Variants in RPS6KC1 observed in about 807,000 individuals in gnomAD.
RPS6KC1 encodes inactive ribosomal protein S6 kinase delta-1.
RPS6KC1 carries 54 observed loss-of-function variants against 103.8 expected under a neutral mutation model. The ratio of observed to expected loss-of-function variants is 0.52; its 90% CI spans 0.42 to 0.65. The LOEUF (loss-of-function observed/expected upper bound fraction) is 0.65, where lower values mean the gene tolerates loss of function less well. Among genes scored for constraint, RPS6KC1 ranks in the 30% least tolerant of loss-of-function variants. The pLI is 0.00. For synonymous variants in RPS6KC1, 439 were observed against 438.7 expected (o/e 1.00, Z -0.01); for missense variants, 1,151 against 1,253.8 (o/e 0.92, Z 1.24).
the RPS6KC1 span, among the ~76,000 whole-genome samples, chr1:213,825,917 G>T: frequency 6.6e-6 from 1 of 152,138 alleles, no homozygotes; most frequent in Non-Finnish European, 1.5e-5. Flanking sequence ...TTTAATTAAA[G>T]CCCATGAACT....
intron 9 of RPS6KC1, 129 bp from the exon 10 acceptor site, chr1:213,231,994 G>A: frequency 8.8e-7 from 1 of 1,132,762 alleles, no homozygotes; most frequent in South Asian, 1.5e-5. Context: ...AGCAGCAGAT[G>A]AGTGGTTTCT....
chr1:213,728,787 C>T, the RPS6KC1 span, among the ~76,000 whole-genome samples: 1 of 152,066 alleles, frequency 6.6e-6, no homozygotes, highest in South Asian at 2.1e-4. Context: ...CTCCTCCGCG[C>T]TCTTGGCTTT....
At chr1:213,339,419 C>T in the RPS6KC1 span, among the ~76,000 whole-genome samples, 3 of 152,202 alleles carry the variant, frequency 2.0e-5, no homozygotes, top group East Asian at 1.9e-4. Flanking sequence ...AGAAAGATAA[C>T]CCAGCTGAGC....
the RPS6KC1 span, among the ~76,000 whole-genome samples, chr1:213,862,533 T>C: frequency 6.6e-6 from 1 of 152,180 alleles, no homozygotes; most frequent in South Asian, 2.1e-4. Context: ...CTACTCTGCT[T>C]TTGCAATCTT....
the RPS6KC1 span, among the ~76,000 whole-genome samples, chr1:213,576,109 G>A: frequency 2.1e-4 from 32 of 152,184 alleles, no homozygotes; most frequent in African/African-American, 7.7e-4. Flanking sequence ...CACGCATACA[G>A]CTGGCTCTGC....
chr1:213,220,380 G>A (rs1007757217), intron 8 of RPS6KC1, among the ~76,000 whole-genome samples: 4 of 152,204 alleles, frequency 2.6e-5, no homozygotes, highest in African/African-American at 9.6e-5. Flanking sequence ...AGGGTGGAGT[G>A]CAGTGGTGTG....
the RPS6KC1 span, among the ~76,000 whole-genome samples, chr1:213,482,253 TC>T: frequency 6.6e-6 from 1 of 152,182 alleles, no homozygotes; most frequent in Non-Finnish European, 1.5e-5. Flanking sequence ...TTATTTTTCC[TC>T]TCTTTTGATG....
chr1:213,720,726 C>T, the RPS6KC1 span, among the ~76,000 whole-genome samples: 2 of 152,178 alleles, frequency 1.3e-5, no homozygotes, highest in South Asian at 4.1e-4. Context: ...GCTTATTCTT[C>T]AGAACACTTT....
chr1:213,523,309 G>C, the RPS6KC1 span, among the ~76,000 whole-genome samples: 1 of 152,198 alleles, frequency 6.6e-6, no homozygotes, highest in South Asian at 2.1e-4. Context: ...ACTGACCACA[G>C]ATCACTGTAA....
At chr1:213,253,641 A>G (rs116312322) in intron 12 of RPS6KC1, among the ~76,000 whole-genome samples, 108 of 152,302 alleles carry the variant, frequency 7.1e-4, no homozygotes, top group African/African-American at 2.4e-3. Context: ...TTTAAATTGT[A>G]TAATCTTAAA....
intron 8 of RPS6KC1, among the ~76,000 whole-genome samples, chr1:213,202,615 A>G (rs571242631): frequency 1.3e-3 from 178 of 142,262 alleles, no homozygotes; most frequent in Non-Finnish European, 2.3e-3. Flanking sequence ...TCAGTCTCAA[A>G]AACAAAAAAC....
intron 8 of RPS6KC1, among the ~76,000 whole-genome samples, chr1:213,227,005 G>A (rs914955649): frequency 3.9e-5 from 6 of 152,192 alleles, no homozygotes; most frequent in Non-Finnish European, 5.9e-5. Flanking sequence ...ACAAAGTCCT[G>A]AGGTTAAAGA....
downstream of RPS6KC1, among the ~76,000 whole-genome samples, chr1:213,278,353 G>A (rs1447297497): frequency 6.6e-6 from 1 of 152,104 alleles, no homozygotes; most frequent in Non-Finnish European, 1.5e-5. Context: ...ACTGAAGTGT[G>A]TTGTTGCCCT....
chr1:213,746,192 A>G, the RPS6KC1 span, among the ~76,000 whole-genome samples: 1 of 152,216 alleles, frequency 6.6e-6, no homozygotes, highest in Non-Finnish European at 1.5e-5. Flanking sequence ...CTACTATGGG[A>G]AAGGAAATGT....
the RPS6KC1 span, among the ~76,000 whole-genome samples, chr1:213,519,364 G>A: frequency 2.0e-4 from 31 of 152,242 alleles, no homozygotes; most frequent in African/African-American, 6.3e-4. Flanking sequence ...TGAGAAAATG[G>A]TCATTTGTTT....
the RPS6KC1 span, among the ~76,000 whole-genome samples, chr1:213,788,684 A>G: frequency 6.6e-6 from 1 of 152,176 alleles, no homozygotes; most frequent in African/African-American, 2.4e-5. Flanking sequence ...ATCTGACACC[A>G]TGCGGATGGC....
At chr1:213,421,586 G>T in the RPS6KC1 span, among the ~76,000 whole-genome samples, 2 of 152,230 alleles carry the variant, frequency 1.3e-5, no homozygotes, top group Non-Finnish European at 2.9e-5. Context: ...GGGGCTCCAG[G>T]TTGCCAGCTG....
the RPS6KC1 span, among the ~76,000 whole-genome samples, chr1:213,841,771 A>G: frequency 2.0e-5 from 3 of 152,218 alleles, no homozygotes; most frequent in African/African-American, 7.2e-5. Context: ...CAGTGTGTTC[A>G]GTAGAAGTGA....
chr1:213,386,751 T>C, the RPS6KC1 span, among the ~76,000 whole-genome samples: 1 of 152,192 alleles, frequency 6.6e-6, no homozygotes, highest in Non-Finnish European at 1.5e-5. Context: ...TCTAACCAAC[T>C]GAGGGATCAG....
Sources: gnomAD v4.1 joint callset for allele counts (sites outside exome capture counted in the v4.1 genomes callset) on GRCh38, gnomAD v4.1.1 for gene constraint, MANE v1.5 for transcripts, NCBI Gene and HGNC (gene_info 2026-07-23, HGNC 2026-07-21) for gene names.